PGPEP1: variants seen among roughly 807,000 people sequenced by gnomAD.
The protein encoded by PGPEP1 is pyroglutamyl-peptidase 1.
In PGPEP1, 15 loss-of-function variants were observed where a neutral mutation model predicts 24.1. The observed-to-expected ratio is 0.62, with a 90% CI of 0.42 to 0.96. The LOEUF (loss-of-function observed/expected upper bound fraction) is 0.96. Among genes scored for constraint, PGPEP1 ranks in the 40% least tolerant of loss-of-function variants. The pLI is 0.00. For synonymous variants in PGPEP1, 122 were observed against 116.4 expected (o/e 1.05, Z -0.31); for missense variants, 242 against 273.4 (o/e 0.89, Z 0.81).
At chr19:18,358,275 T>TG (rs1971245880) in intron 4 of PGPEP1, among the ~76,000 whole-genome samples, 1 of 130,158 alleles carries the variant, frequency 7.7e-6, no homozygotes, top group African/African-American at 2.6e-5. Flanking sequence ...TTTTTTTTTT[T>TG]TTGAGACGGA....
chr19:18,346,633 C>CTCT (rs1970853104), intron 2 of PGPEP1, among the ~76,000 whole-genome samples: 1 of 79,534 alleles, frequency 1.3e-5, no homozygotes, highest in East Asian at 4.7e-4. Context: ...CTGTTTCTCT[C>CTCT]TTTTTTTTTT....
At chr19:18,360,815 G>A (rs764847442) in intron 4 of PGPEP1, among the ~76,000 whole-genome samples, 4 of 151,452 alleles carry the variant, frequency 2.6e-5, no homozygotes, top group Non-Finnish European at 5.9e-5. Flanking sequence ...ATGAGCCACC[G>A]CGCCTGGCCT....
In PGPEP1 at chr19:18,363,628, C is replaced by G; in HGVS notation, c.*45C>G. The G allele has an allele frequency of 1.4e-6, 2 of 1,465,572 alleles. No homozygotes were observed. The highest frequency in any genetic ancestry group is 1.9e-6 in the Non-Finnish European group (2 of 1,060,542). 90.8% of individuals were successfully genotyped at this position (1,465,572 alleles called of 1,614,324 possible). A position where few individuals can be genotyped will look rare whatever the true frequency, so the allele number is the denominator to read the frequency against. ...AGACCTCATCCTGCTGGGGACCCCA[C>G]GAGGGGACATCCACCCTCTGGGGTG... is the stretch of plus-strand genomic sequence containing the variant. On this transcript the variant is annotated 3_prime_UTR_variant, in exon 5 of 5. Coordinates refer to ENST00000269919, the MANE Select transcript of PGPEP1 (RefSeq NM_017712.4).
At chr19:18,346,136 C>T (rs1488929976) in intron 2 of PGPEP1, among the ~76,000 whole-genome samples, 2 of 152,186 alleles carry the variant, frequency 1.3e-5, no homozygotes, top group Non-Finnish European at 2.9e-5. Context: ...TAAACCTCTG[C>T]AGACTTTTTT....
chr19:18,353,251 C>G (rs1568313432), intron 2 of PGPEP1, among the ~76,000 whole-genome samples: 5 of 150,840 alleles, frequency 3.3e-5, no homozygotes, highest in Admixed American at 2.0e-4. Context: ...AAGGCCTTGC[C>G]CCGTTGCCCA....
intron 1 of PGPEP1, among the ~76,000 whole-genome samples, chr19:18,341,635 C>T (rs1970673841): frequency 6.6e-6 from 1 of 152,192 alleles, no homozygotes; most frequent in Admixed American, 6.6e-5. Flanking sequence ...TCACTGCCCC[C>T]ATCCCTTCCA....
chr19:18,349,088 C>T (rs1211339881), intron 2 of PGPEP1: 2 of 984,358 alleles, frequency 2.0e-6, no homozygotes, highest in African/African-American at 1.8e-5. Flanking sequence ...GGCAAACACA[C>T]ACATGAACAC....
rs1019178087 is a variant in PGPEP1, at chr19:18,364,620, A to G, written c.*1037A>G. 1.3e-5 allele frequency: 2 copies of G among 152,206 alleles called. No individual in the cohort carries two copies. The highest frequency in any genetic ancestry group is 2.4e-5 in the African/African-American group (1 of 41,528). The allele number at this position is 152,206 out of a possible 1,614,324, so 9.4% of individuals were successfully genotyped here. On this transcript the variant is annotated 3_prime_UTR_variant, in exon 5 of 5. Transcript: ENST00000269919. ...CAGAGCGAGACTCTGTCTCAAAACA[A>G]TTGGACTTAAGATGGCATGTCTTTG...
chr19:18,353,155 G>T (rs1971085526), intron 2 of PGPEP1, among the ~76,000 whole-genome samples: 2 of 151,892 alleles, frequency 1.3e-5, no homozygotes, highest in Admixed American at 1.3e-4. Context: ...CCGACCTCAG[G>T]TGATCCACCC....
chr19:18,359,134 A>C (rs896033001), intron 4 of PGPEP1, among the ~76,000 whole-genome samples: 1 of 152,118 alleles, frequency 6.6e-6, no homozygotes, highest in Non-Finnish European at 1.5e-5. Context: ...CAAGTAAAAA[A>C]AATAGCAGGC....
chr19:18,358,463 T>G (rs890690875), intron 4 of PGPEP1, among the ~76,000 whole-genome samples: 14 of 152,064 alleles, frequency 9.2e-5, no homozygotes, highest in African/African-American at 3.1e-4. Context: ...TTTCTCCACG[T>G]TGGTCAGGCT....
At chr19:18,355,859 C>G (rs755184301) in intron 2 of PGPEP1, 36 bp from the exon 3 acceptor site, 21 of 1,322,376 alleles carry the variant, frequency 1.6e-5, no homozygotes, top group Non-Finnish European at 2.2e-5. Flanking sequence ...TAGCTGTCAT[C>G]TGGGGCCATG....
chr19:18,344,722 G>A (rs1376652776), intron 2 of PGPEP1, among the ~76,000 whole-genome samples: 3 of 152,114 alleles, frequency 2.0e-5, no homozygotes, highest in Non-Finnish European at 4.4e-5. Context: ...AAAAGAAACA[G>A]CATGTTTCTG....
At chr19:18,345,129 G>GTAGC (rs1363558851) in intron 2 of PGPEP1, among the ~76,000 whole-genome samples, 1 of 151,962 alleles carries the variant, frequency 6.6e-6, no homozygotes, top group Non-Finnish European at 1.5e-5. Context: ...GCCTCCCTTA[G>GTAGC]TAGCTGGGAT....
intron 2 of PGPEP1, among the ~76,000 whole-genome samples, chr19:18,350,180 C>A (rs1970979159): frequency 6.6e-6 from 1 of 152,104 alleles, no homozygotes; most frequent in Non-Finnish European, 1.5e-5. Context: ...GACACCACGC[C>A]TGGCTAATTT....
At chr19:18,358,306 C>T (rs1341914735) in intron 4 of PGPEP1, among the ~76,000 whole-genome samples, 1 of 138,270 alleles carries the variant, frequency 7.2e-6, no homozygotes, top group Non-Finnish European at 1.5e-5. Context: ...TGTTGCCCAG[C>T]CTGGAGTGCA....
At position 18,340,606 on chromosome 19, in the gene PGPEP1, GCCGAGAGGCTGCAGCGGCAGCAGCTGTC is replaced by G; in HGVS notation, c.-75_-48del. 7.2e-7 allele frequency: 1 copy of G among 1,390,076 alleles called. No individual in the cohort carries two copies. Among genetic ancestry groups the G allele is most frequent in the Non-Finnish European group, 9.6e-7 (1 of 1,038,376 alleles). The allele number at this position is 1,390,076 out of a possible 1,614,324, so 86.1% of individuals were successfully genotyped here. A position where few individuals can be genotyped will look rare whatever the true frequency, so the allele number is the denominator to read the frequency against. On this transcript the variant is annotated 5_prime_UTR_variant, in exon 1 of 5. Transcript: ENST00000269919. Reference sequence around the variant, plus strand: ...CTTGACAGGGGCGTGGCCTCGCGCGGCCGAGAGGCTGCAGCGGCAGCAGCTGTCGCGCCAGTCGCAACAGAAGCAGGTC... The same window carrying G: ...CTTGACAGGGGCGTGGCCTCGCGCGGGCGCCAGTCGCAACAGAAGCAGGTC...
rs1443146398 is a variant in PGPEP1 at position 18,369,532 on chromosome 19, A to T, written c.*5949A>T. 6.6e-6 allele frequency: 1 copy of T among 152,140 alleles called. No individual in the cohort carries two copies. The highest frequency in any genetic ancestry group is 6.6e-5 in the Admixed American group (1 of 15,250). The allele number at this position is 152,140 out of a possible 1,614,324, so 9.4% of individuals were successfully genotyped here. ...GAGATTCCACATAGGGATTTGAATT[A>T]GGCTTTCTGCTTGCCAAGGCCTGTG... On this transcript the variant is annotated 3_prime_UTR_variant, in exon 5 of 5. Coordinates refer to ENST00000269919, the MANE Select transcript of PGPEP1 (RefSeq NM_017712.4).
intron 3 of PGPEP1, 140 bp downstream of exon 3, chr19:18,356,151 G>T: frequency 1.6e-6 from 1 of 630,712 alleles, no homozygotes; most frequent in East Asian, 2.8e-5. Flanking sequence ...GGGCTTTTCA[G>T]GCCGGGCATG....
Sources: gnomAD v4.1 joint callset for allele counts (sites outside exome capture counted in the v4.1 genomes callset) on GRCh38, gnomAD v4.1.1 for gene constraint, MANE v1.5 for transcripts, NCBI Gene and HGNC (gene_info 2026-07-23, HGNC 2026-07-21) for gene names.